Variants in BANK1 observed in about 807,000 individuals in gnomAD.
BANK1 encodes the protein B cell scaffold protein with ankyrin repeats 1, also known as B-cell scaffold protein with ankyrin repeats.
Under a neutral mutation model 94.5 loss-of-function variants are expected in BANK1, and 95 were observed. The observed-to-expected ratio is 1.00, with a 90% CI of 0.85 to 1.19. The LOEUF (loss-of-function observed/expected upper bound fraction) is 1.19. BANK1 is among the 50% of genes most tolerant of loss of function. The pLI is 0.00. For synonymous variants in BANK1, 334 were observed against 308.4 expected, an observed-to-expected ratio of 1.08 and a Z score of -0.87; for missense variants, 987 against 932.2, an observed-to-expected ratio of 1.06 and a Z score of -0.77.
rs1560682419 is a variant in BANK1, at chr4:102,007,170, A to AGAATGCCTGAC, written c.1207-14344_1207-14343insGAATGCCTGAC. ...TTTATATATATATATATATATATAT[A>AGAATGCCTGAC]AAATCCCTAAAATAGAATGCCTGAC... On this transcript the variant is annotated intron_variant, in intron 7 of 16. Coordinates refer to ENST00000322953, the MANE Select transcript of BANK1 (RefSeq NM_017935.5). Among the ~76,000 whole-genome samples, 3 of 113,260 alleles carry AGAATGCCTGAC rather than the reference A, an allele frequency of 2.6e-5. No homozygotes were observed. The Admixed American group carries it at 2.9e-4, about 11-fold the overall frequency. The allele number at this position is 113,260 out of a possible 152,430, so 74.3% of individuals were successfully genotyped here. A position where few individuals can be genotyped will look rare whatever the true frequency, so the allele number is the denominator to read the frequency against.
intron 8 of BANK1, among the ~76,000 whole-genome samples, chr4:102,023,400 A>G (rs1197395617): frequency 1.3e-5 from 2 of 152,212 alleles, no homozygotes; most frequent in African/African-American, 2.4e-5. Flanking sequence ...ATTGAAAATG[A>G]CCATATATTT....
intron 7 of BANK1, among the ~76,000 whole-genome samples, chr4:101,936,301 A>ATGTATATGTACACATATATGCACACATG (rs1560641217): frequency 2.0e-5 from 3 of 150,452 alleles, no homozygotes; most frequent in African/African-American, 7.3e-5. Flanking sequence ...ATGCACACAT[A>ATGTATATGTACACATATATGCACACATG]CATGCATATG....
intron 1 of BANK1, among the ~76,000 whole-genome samples, chr4:101,821,628 A>C (rs990612482): frequency 6.6e-6 from 1 of 151,910 alleles, no homozygotes; most frequent in African/African-American, 2.4e-5. Flanking sequence ...ATTTTTGTAT[A>C]TGGTATATGT....
chr4:102,007,083 T>TATATTTATATATATATAA (rs1578450867), intron 7 of BANK1, among the ~76,000 whole-genome samples: 2,938 of 71,008 alleles, frequency 0.041, 233 homozygotes, highest in Non-Finnish European at 0.069. Flanking sequence ...TATATATAAA[T>TATATTTATATATATATAA]ATATATATAA....
chr4:102,007,066 T>A lies in BANK1; in HGVS notation c.1207-14448T>A, dbSNP rs575040698. Reference sequence around the variant, plus strand: ...ATATATATATATATAAAATATATAATTTTATATATATATAAATATATATAT... The same window carrying A: ...ATATATATATATATAAAATATATAAATTTATATATATATAAATATATATAT... On this transcript the variant is annotated intron_variant, in intron 7 of 16. Coordinates refer to ENST00000322953, the MANE Select transcript of BANK1 (RefSeq NM_017935.5). Among the ~76,000 whole-genome samples, 18 of 99,158 alleles carry A rather than the reference T, an allele frequency of 1.8e-4. No individual in the cohort carries two copies. The East Asian group carries it at 2.4e-3, about 13-fold the overall frequency. The allele number at this position is 99,158 out of a possible 152,430, so 65.1% of individuals were successfully genotyped here.
At chr4:101,860,958 G>A (rs1727853047) in intron 3 of BANK1, among the ~76,000 whole-genome samples, 1 of 152,194 alleles carries the variant, frequency 6.6e-6, no homozygotes, top group South Asian at 2.1e-4. Flanking sequence ...TTAAAGATTT[G>A]AGGTAAGGGG....
chr4:102,049,738 C>A (rs1390596325), intron 11 of BANK1, among the ~76,000 whole-genome samples: 1 of 152,166 alleles, frequency 6.6e-6, no homozygotes, highest in Non-Finnish European at 1.5e-5. Context: ...AAGGCAGTCT[C>A]TTAATAGACA....
intron 10 of BANK1, among the ~76,000 whole-genome samples, chr4:102,040,327 T>TA (rs1452091269): frequency 1.3e-5 from 2 of 152,040 alleles, no homozygotes; most frequent in African/African-American, 4.8e-5. Flanking sequence ...ATGTTTAAAA[T>TA]AAAAAAGGGT....
intron 1 of BANK1, among the ~76,000 whole-genome samples, chr4:101,795,382 T>C (rs776353413): frequency 2.6e-5 from 4 of 152,156 alleles, no homozygotes; most frequent in Non-Finnish European, 5.9e-5. Context: ...TATGGAGGCT[T>C]TTCTAAACTG....
chr4:101,926,672 A>G (rs547039144), intron 7 of BANK1, among the ~76,000 whole-genome samples: 12 of 151,820 alleles, frequency 7.9e-5, no homozygotes, highest in Non-Finnish European at 1.6e-4. Flanking sequence ...AGAAATAGAA[A>G]GAACCACATT....
At position 102,060,693 on chromosome 4, in the gene BANK1, T is replaced by C. The variant is rs75658420; in HGVS notation, c.2148+304T>C. ...TGCTGAAATTAAGGTAAAGCATCTTTACACTGAAGGGTGTATTATGTATGC... is the reference window on the plus strand; with the variant it reads ...TGCTGAAATTAAGGTAAAGCATCTTCACACTGAAGGGTGTATTATGTATGC... On this transcript the variant is annotated intron_variant, in intron 12 of 16. Coordinates refer to ENST00000322953, the MANE Select transcript of BANK1 (RefSeq NM_017935.5). Among the ~76,000 whole-genome samples the C allele has an allele frequency of 3.5e-4, 54 of 152,290 alleles. No homozygotes were observed. In the East Asian group the frequency reaches 0.01, roughly 29 times the overall value.
At chr4:101,853,926 T>G (rs1727587232) in intron 2 of BANK1, among the ~76,000 whole-genome samples, 1 of 152,188 alleles carries the variant, frequency 6.6e-6, no homozygotes, top group Admixed American at 6.5e-5. Flanking sequence ...ATGTTCATTA[T>G]TTTGTCTAGA....
At chr4:101,991,871 C>T (rs973168901) in intron 7 of BANK1, among the ~76,000 whole-genome samples, 8 of 152,176 alleles carry the variant, frequency 5.3e-5, no homozygotes, top group South Asian at 2.1e-4. Context: ...TCTTTCTCAT[C>T]GCAGACCTAG....
intron 1 of BANK1, among the ~76,000 whole-genome samples, chr4:101,811,968 G>A (rs972722638): frequency 1.1e-4 from 16 of 151,834 alleles, no homozygotes; most frequent in African/African-American, 3.9e-4. Flanking sequence ...CTGAAAAATT[G>A]TTCTTTATAA....
chr4:101,995,312 A>G (rs141271995), intron 7 of BANK1, among the ~76,000 whole-genome samples: 91 of 152,312 alleles, frequency 6.0e-4, no homozygotes, highest in Middle Eastern at 3.4e-3. Flanking sequence ...TCCATGTTGT[A>G]TATGTGTCAC....
intron 4 of BANK1, among the ~76,000 whole-genome samples, chr4:101,866,195 C>T (rs997372949): frequency 6.6e-5 from 10 of 151,854 alleles, no homozygotes; most frequent in South Asian, 2.1e-4. Flanking sequence ...TCAAAACCAC[C>T]GTATCAAAAA....
At chr4:101,852,680 CTT>C in intron 2 of BANK1, among the ~76,000 whole-genome samples, 1 of 151,314 alleles carries the variant, frequency 6.6e-6, no homozygotes, top group East Asian at 1.9e-4. Context: ...GTTAAATACT[CTT>C]TGATAGAATT....
intron 2 of BANK1, among the ~76,000 whole-genome samples, chr4:101,853,332 A>G (rs1169271393): frequency 6.6e-6 from 1 of 152,174 alleles, no homozygotes; most frequent in Non-Finnish European, 1.5e-5. Context: ...AATTACCTAT[A>G]TGGAGCTGGT....
intron 8 of BANK1, among the ~76,000 whole-genome samples, chr4:102,022,648 A>G (rs1726954363): frequency 6.6e-6 from 1 of 152,186 alleles, no homozygotes; most frequent in Non-Finnish European, 1.5e-5. Context: ...TAAATAATGT[A>G]TAGGACGCCT....
Sources: allele counts gnomAD v4.1 joint callset (sites outside exome capture counted in the v4.1 genomes callset), GRCh38; gene constraint gnomAD v4.1.1; transcripts MANE v1.5; gene names NCBI Gene and HGNC (gene_info 2026-07-23, HGNC 2026-07-21).